The following FBXL17 variants were observed in gnomAD, a reference collection of about 807,000 sequenced individuals.
FBXL17 encodes the protein F-box and leucine rich repeat protein 17, also known as F-box/LRR-repeat protein 17.
FBXL17 carries 22 observed loss-of-function variants against 66.2 expected under a neutral mutation model. The observed-to-expected ratio is 0.33, with a 90% CI of 0.24 to 0.47. The LOEUF (loss-of-function observed/expected upper bound fraction) is 0.47, where lower values mean the gene tolerates loss of function less well. FBXL17 is among the 20% of genes least tolerant of loss of function. The probability of loss-of-function intolerance (pLI) is 1.00; values close to 1 mark genes in which losing one functional copy is unlikely to be tolerated. For synonymous variants in FBXL17, 474 were observed against 400.5 expected (o/e 1.18, Z -2.19); for missense variants, 878 against 948.2 (o/e 0.93, Z 0.97).
At chr5:107,862,003 T>G (rs1748137171) in intron 8 of FBXL17, 143 bp from the exon 9 acceptor site, 2 of 812,640 alleles carry the variant, frequency 2.5e-6, no homozygotes, top group African/African-American at 3.5e-5. Flanking sequence ...GGAAGGGTTT[T>G]GTGAGGAGAT....
intron 7 of FBXL17, among the ~76,000 whole-genome samples, chr5:107,946,647 T>C (rs72795979): frequency 0.17 from 25,270 of 151,590 alleles, 2,251 homozygotes; most frequent in African/African-American, 0.21. Context: ...TATCTTGAAA[T>C]CTTTGTCAGG....
chr5:108,305,384 G>A lies in FBXL17; in HGVS notation c.1506+43015C>T, dbSNP rs372307254. Among the ~76,000 whole-genome samples the A allele has an allele frequency of 5.9e-5, 9 of 151,846 alleles. No individual in the cohort carries two copies. In the East Asian group the frequency reaches 1.4e-3, roughly 23 times the overall value. ...TAATGGATGCTGGACTTAATAACTAGGTGATGAGATTATCTGTGCAGCACA... is the reference window on the plus strand; with the variant it reads ...TAATGGATGCTGGACTTAATAACTAAGTGATGAGATTATCTGTGCAGCACA... On this transcript the variant is annotated intron_variant, in intron 4 of 8. Coordinates refer to ENST00000542267, the MANE Select transcript of FBXL17 (RefSeq NM_001163315.3).
intron 6 of FBXL17, among the ~76,000 whole-genome samples, chr5:108,025,608 C>G (rs1389040760): frequency 6.6e-6 from 1 of 151,644 alleles, no homozygotes; most frequent in African/African-American, 2.4e-5. Context: ...TTTCTTGAAA[C>G]TAAACAAGCC....
At chr5:107,869,820 A>T (rs558034797) in intron 8 of FBXL17, among the ~76,000 whole-genome samples, 3 of 152,290 alleles carry the variant, frequency 2.0e-5, no homozygotes, top group African/African-American at 7.2e-5. Context: ...CTCTCGTGTG[A>T]TCAGCTTCAC....
At chr5:108,126,736 T>A (rs1750731807) in intron 6 of FBXL17, among the ~76,000 whole-genome samples, 1 of 145,682 alleles carries the variant, frequency 6.9e-6, no homozygotes, top group African/African-American at 2.5e-5. Flanking sequence ...AAAAGAAGGG[T>A]CAGATGACAA....
intron 6 of FBXL17, among the ~76,000 whole-genome samples, chr5:108,086,335 A>C (rs1748968969): frequency 6.6e-6 from 1 of 152,202 alleles, no homozygotes; most frequent in African/African-American, 2.4e-5. Context: ...TGGTGGGTCC[A>C]CCTACCCTCT....
chr5:108,358,945 G>A (rs1327461534), intron 3 of FBXL17, among the ~76,000 whole-genome samples: 1 of 151,930 alleles, frequency 6.6e-6, no homozygotes. Flanking sequence ...GGAGTGCAGT[G>A]AATATAGCTT....
rs535150595 is a variant in FBXL17 at position 108,018,585 on chromosome 5, C to T, written c.1822+2340G>A. 2.6e-5 allele frequency among the ~76,000 whole-genome samples: 4 copies of T among 152,220 alleles called. No individual in the cohort carries two copies. The East Asian group carries it at 5.8e-4, about 22-fold the overall frequency. On this transcript the variant is annotated intron_variant, in intron 7 of 8. Coordinates refer to ENST00000542267, the MANE Select transcript of FBXL17 (RefSeq NM_001163315.3). ...CCTCTCTTCCTCAATTGTGCGCCAA[C>T]ATTTTGGAGAACAGAATCAACAGAT... is the stretch of plus-strand genomic sequence containing the variant.
At chr5:108,085,522 A>T (rs1748934337) in intron 6 of FBXL17, among the ~76,000 whole-genome samples, 1 of 152,184 alleles carries the variant, frequency 6.6e-6, no homozygotes, top group Non-Finnish European at 1.5e-5. Context: ...CCACTATTTG[A>T]ACCCCATGTG....
intron 1 of FBXL17, among the ~76,000 whole-genome samples, chr5:108,374,384 AAC>A (rs1218133472): frequency 6.6e-6 from 1 of 152,214 alleles, no homozygotes; most frequent in East Asian, 1.9e-4. Context: ...AGACATCAGT[AAC>A]AGAGGCCAGG....
rs1301187027 is a variant in FBXL17, at chr5:107,861,466, A to C, written c.*254T>G. ...AAATAATTTTTTTTTAAAGAGAAAG[A>C]AGCCTTTGAAGTTAAAAACTAAAAA... is the stretch of plus-strand genomic sequence containing the variant. On this transcript the variant is annotated 3_prime_UTR_variant, in exon 9 of 9. Transcript: ENST00000542267. 2 of 290,308 alleles carry C rather than the reference A, an allele frequency of 6.9e-6. No individual in the cohort carries two copies. The highest frequency in any genetic ancestry group is 4.3e-5 in the African/African-American group (2 of 46,192). The allele number at this position is 290,308 out of a possible 1,614,324, so 18.0% of individuals were successfully genotyped here. A position where few individuals can be genotyped will look rare whatever the true frequency, so the allele number is the denominator to read the frequency against.
At chr5:108,178,601 A>C (rs1752885424) in intron 6 of FBXL17, among the ~76,000 whole-genome samples, 1 of 152,224 alleles carries the variant, frequency 6.6e-6, no homozygotes, top group Non-Finnish European at 1.5e-5. Context: ...GACAATACAC[A>C]AAACTATTCA....
At chr5:108,039,688 C>G (rs1376055506) in intron 6 of FBXL17, among the ~76,000 whole-genome samples, 1 of 152,090 alleles carries the variant, frequency 6.6e-6, no homozygotes, top group African/African-American at 2.4e-5. Context: ...AAGCACAATT[C>G]TGAGTTTTAT....
chr5:107,873,757 T>C (rs1748528235), intron 8 of FBXL17, among the ~76,000 whole-genome samples: 1 of 152,170 alleles, frequency 6.6e-6, no homozygotes, highest in Non-Finnish European at 1.5e-5. Flanking sequence ...AATCTAATTC[T>C]CTCATATAAT....
intron 4 of FBXL17, among the ~76,000 whole-genome samples, chr5:108,261,818 A>G (rs553595494): frequency 2.6e-5 from 4 of 152,268 alleles, no homozygotes; most frequent in South Asian, 4.1e-4. Context: ...GCTAAACAAT[A>G]TTAAGAAGAA....
At chr5:107,947,133 G>C (rs562365538) in intron 7 of FBXL17, among the ~76,000 whole-genome samples, 1 of 152,030 alleles carries the variant, frequency 6.6e-6, no homozygotes, top group African/African-American at 2.4e-5. Context: ...CTTTTTTCAC[G>C]GGCTGATCAG....
At chr5:108,158,342 A>T (rs1053658222) in intron 6 of FBXL17, among the ~76,000 whole-genome samples, 1 of 152,232 alleles carries the variant, frequency 6.6e-6, no homozygotes, top group African/African-American at 2.4e-5. Context: ...ACATAAAAGT[A>T]AATTTAACAT....
In FBXL17 at chr5:108,058,522, T is replaced by C. The variant is rs549729770; in HGVS notation, c.1746-37521A>G. Among the ~76,000 whole-genome samples the C allele has an allele frequency of 1.1e-4, 16 of 152,044 alleles. No individual in the cohort carries two copies. The South Asian group carries it at 1.3e-3, about 12-fold the overall frequency. On this transcript the variant is annotated intron_variant, in intron 6 of 8. Coordinates refer to ENST00000542267, the MANE Select transcript of FBXL17 (RefSeq NM_001163315.3). ...TTTTTTTTGACAGAGTCTTGCTCTG[T>C]CACCCAGGCTGGAGTACAGTAGCCC...
intron 6 of FBXL17, among the ~76,000 whole-genome samples, chr5:108,135,261 C>A (rs931486939): frequency 1.3e-5 from 2 of 152,008 alleles, no homozygotes; most frequent in African/African-American, 4.8e-5. Flanking sequence ...CTAAGACCCA[C>A]AAAACACTCC....
Sources: gnomAD v4.1 joint callset for allele counts (sites outside exome capture counted in the v4.1 genomes callset) on GRCh38, gnomAD v4.1.1 for gene constraint, MANE v1.5 for transcripts, NCBI Gene and HGNC (gene_info 2026-07-23, HGNC 2026-07-21) for gene names.